Variants in SUN1 observed in about 807,000 individuals in gnomAD.
SUN1 encodes the protein Sad1 and UNC84 domain containing 1, also known as SUN domain-containing protein 1.
Under a neutral mutation model 103.2 loss-of-function variants are expected in SUN1, and 61 were observed. That is an observed-to-expected ratio of 0.59 (90% CI 0.48 to 0.73). The LOEUF is 0.73. SUN1 is among the 30% of genes least tolerant of loss of function. The pLI, the probability that SUN1 is intolerant of heterozygous loss-of-function variation, is 0.00. For synonymous variants in SUN1, 490 were observed against 425.7 expected (o/e 1.15, Z -1.86); for missense variants, 1,052 against 1,034.6 (o/e 1.02, Z -0.23).
intron 18 of SUN1, 145 bp from the exon 19 acceptor site, chr7:873,070 G>C: frequency 1.7e-5 from 13 of 782,784 alleles, no homozygotes. Context: ...CTGGGTGACA[G>C]GGCAAGACTC....
Position 842,133 on chromosome 7 carries a change from G to A in SUN1, c.451+3G>A. 1 of 1,607,710 alleles carries A rather than the reference G, an allele frequency of 6.2e-7. No homozygotes were observed. The highest frequency in any genetic ancestry group is 8.5e-7 in the Non-Finnish European group (1 of 1,174,796). ...GACCACAGTGGACCACTTCTGGGGT[G>A]AGTCCCTGCGAGACACAGATTGTCC... On this transcript the variant is annotated splice_donor_region_variant and intron_variant, in intron 3 of 18. Coordinates refer to ENST00000401592, the MANE Select transcript of SUN1 (RefSeq NM_001130965.3).
upstream of SUN1, chr7:831,052 T>G: frequency 6.1e-6 from 6 of 980,774 alleles, no homozygotes; most frequent in Non-Finnish European, 7.3e-6. Flanking sequence ...GAATCTAGAT[T>G]TAGGTGTTGG....
chr7:872,423 G>T, intron 17 of SUN1, 47 bp from the exon 18 acceptor site: 3 of 1,496,922 alleles, frequency 2.0e-6, no homozygotes, highest in Non-Finnish European at 2.7e-6. Flanking sequence ...TCTCTGCTCA[G>T]TGTTATTTTT....
intron 13 of SUN1, among the ~76,000 whole-genome samples, chr7:858,836 G>C (rs1022510175): frequency 6.6e-6 from 1 of 152,184 alleles, no homozygotes; most frequent in Non-Finnish European, 1.5e-5. Context: ...ATAATGGGTA[G>C]GAAGAGAAGC....
chr7:835,985 G>A (rs1003456124), intron 1 of SUN1, among the ~76,000 whole-genome samples: 3 of 152,232 alleles, frequency 2.0e-5, no homozygotes, highest in Admixed American at 6.5e-5. Context: ...CTGGACAGGC[G>A]GGAAGAAGGG....
At chr7:818,064 TCA>T (rs1782534153) in intron 1 of SUN1, among the ~76,000 whole-genome samples, 1 of 152,198 alleles carries the variant, frequency 6.6e-6, no homozygotes. Flanking sequence ...GAGTATCCTC[TCA>T]TTCACCTGCT....
At chr7:816,529 T>C, upstream of SUN1, 1 of 343,398 alleles carries the variant, frequency 2.9e-6, no homozygotes, top group East Asian at 1.5e-4. Context: ...GCCAGAACGC[T>C]TCGGGTGGCG....
chr7:822,043 C>G (rs1022907950), intron 1 of SUN1, among the ~76,000 whole-genome samples: 1 of 152,160 alleles, frequency 6.6e-6, no homozygotes, highest in Non-Finnish European at 1.5e-5. Flanking sequence ...TTTTGGACTG[C>G]TCACCCACTT....
chr7:848,871 T>A (rs961064678), intron 5 of SUN1, among the ~76,000 whole-genome samples: 4 of 152,220 alleles, frequency 2.6e-5, no homozygotes, highest in Non-Finnish European at 5.9e-5. Flanking sequence ...AAACAAAAAG[T>A]TAATGTGCTC....
At chr7:849,632 G>A (rs376988276) in intron 5 of SUN1, 11 of 1,519,818 alleles carry the variant, frequency 7.2e-6, no homozygotes, top group African/African-American at 1.4e-5. Context: ...TCCTGTGGGC[G>A]TCGGTCGTGG....
intron 1 of SUN1, among the ~76,000 whole-genome samples, chr7:826,928 T>C (rs1583994670): frequency 6.6e-6 from 1 of 152,152 alleles, no homozygotes; most frequent in Admixed American, 6.5e-5. Flanking sequence ...TGCCTGCAGG[T>C]TTTAAAGTTT....
intron 1 of SUN1, chr7:817,509 G>A (rs1314772181): frequency 1.3e-6 from 2 of 1,535,980 alleles, no homozygotes; most frequent in East Asian, 2.4e-5. Flanking sequence ...GGTGGGCGGT[G>A]CGGTCCGAGG....
chr7:844,383 C>A (rs143017759), intron 5 of SUN1, among the ~76,000 whole-genome samples: 2 of 152,192 alleles, frequency 1.3e-5, no homozygotes, highest in African/African-American at 4.8e-5. Context: ...AGGGCAGGGC[C>A]AGGTCTGTCT....
At chr7:824,578 G>A (rs1449954608) in intron 1 of SUN1, among the ~76,000 whole-genome samples, 1 of 152,218 alleles carries the variant, frequency 6.6e-6, no homozygotes, top group Non-Finnish European at 1.5e-5. Flanking sequence ...GATGACCACC[G>A]TTCTGTAAGA....
chr7:831,738 CA>C (rs964995559), upstream of SUN1, among the ~76,000 whole-genome samples: 72 of 152,294 alleles, frequency 4.7e-4, no homozygotes, highest in African/African-American at 1.7e-3. Context: ...GTTATTTGTA[CA>C]AAAGTGTCTT....
chr7:856,633 C>G (rs1423374540), intron 12 of SUN1, among the ~76,000 whole-genome samples: 1 of 152,206 alleles, frequency 6.6e-6, no homozygotes, highest in Admixed American at 6.5e-5. Flanking sequence ...AGTTAGCACT[C>G]TCAAAGGTGC....
intron 12 of SUN1, among the ~76,000 whole-genome samples, chr7:857,390 T>C (rs1365628886): frequency 1.3e-5 from 2 of 151,546 alleles, no homozygotes; most frequent in African/African-American, 4.9e-5. Flanking sequence ...TTTTGAGATA[T>C]GAATTGTTAG....
intron 10 of SUN1, among the ~76,000 whole-genome samples, chr7:853,880 A>G (rs4419711): frequency 0.62 from 93,667 of 152,056 alleles, 29,240 homozygotes; most frequent in East Asian, 0.8. Context: ...CGGGAAGTCC[A>G]GCGGTCGTGG....
intron 5 of SUN1, among the ~76,000 whole-genome samples, chr7:846,147 T>C (rs1022134910): frequency 1.3e-5 from 2 of 152,108 alleles, no homozygotes; most frequent in Admixed American, 1.3e-4. Flanking sequence ...CTTGCTCTGT[T>C]GCCCAGGCTG....
Sources: gnomAD v4.1 joint callset for allele counts (sites outside exome capture counted in the v4.1 genomes callset) on GRCh38, gnomAD v4.1.1 for gene constraint, MANE v1.5 for transcripts, NCBI Gene and HGNC (gene_info 2026-07-23, HGNC 2026-07-21) for gene names.